The following NEB variants were observed in gnomAD, a reference collection of about 807,000 sequenced individuals.
NEB encodes the protein nemaline myopathy type 2.
A neutral mutation model predicts 952.2 loss-of-function variants in NEB; 512 were observed. The ratio of observed to expected loss-of-function variants is 0.54; its 90% CI spans 0.50 to 0.58. NEB has a LOEUF of 0.58. Ranked by LOEUF, NEB falls within the 20% of genes least tolerant of loss-of-function variation. NEB has a pLI of 0.00. For synonymous variants in NEB, 2,900 were observed against 3,149.8 expected (o/e 0.92, Z 2.66); for missense variants, 8,428 against 9,231.1 (o/e 0.91, Z 3.56).
chr2:151,555,675 C>A (rs555871433), intron 124 of NEB, among the ~76,000 whole-genome samples: 4 of 152,214 alleles, frequency 2.6e-5, no homozygotes, highest in African/African-American at 7.2e-5. Context: ...AATAACAGTT[C>A]TTCCAAAACT....
Position 151,688,401 on chromosome 2 carries a change from AAAAC to A in NEB, c.2311-9_2311-6del. 6.2e-7 allele frequency: 1 copy of A among 1,608,368 alleles called. No homozygotes were observed. Among genetic ancestry groups the A allele is most frequent in the Non-Finnish European group, 8.5e-7 (1 of 1,175,050 alleles). On this transcript the variant is annotated splice_polypyrimidine_tract_variant and splice_region_variant and intron_variant, in intron 24 of 181. Coordinates refer to ENST00000397345, the MANE Select transcript of NEB (RefSeq NM_001164508.2). ...ATGTTTTGCTTTGTAATTCAGCTGA[AAAAC>A]AAAGGATATTTGAACGGTTCAGGGG... is the stretch of plus-strand genomic sequence containing the variant.
rs2153447396 is a variant in NEB at position 151,525,166 on chromosome 2, A to G, written c.22269T>C (p.Ser7423=). Reference sequence around the variant, plus strand: ...AGTGTTGAGAGGGAAAACTTACATCACTTTGCTTCTTGGCCACTTCCATAG... The same window carrying G: ...AGTGTTGAGAGGGAAAACTTACATCGCTTTGCTTCTTGGCCACTTCCATAG... ...KHAMEVAKKQ[S]DVAYRKDAKE... Residue 7423 remains serine (S), a synonymous_variant, in exon 151 of 182, where the codon AGT becomes AGC. Coordinates refer to ENST00000397345, the MANE Select transcript of NEB (RefSeq NM_001164508.2). 6.8e-6 allele frequency: 11 copies of G among 1,611,722 alleles called. No homozygotes were observed. The highest frequency in any genetic ancestry group is 9.3e-6 in the Non-Finnish European group (11 of 1,177,900).
rs35654397 is a variant in NEB at position 151,672,396 on chromosome 2, C to G, written c.4272G>C (p.Thr1424=). ...YLPDAMSLEH[T]RNVNQIQSDN... is the part of the protein sequence containing the mutation. Reference sequence around the variant, plus strand: ...CACTCTGAATTTGATTGACATTCCTCGTATGCTCAAGACTCATGGCGTCAG... The same window carrying G: ...CACTCTGAATTTGATTGACATTCCTGGTATGCTCAAGACTCATGGCGTCAG... The change falls in exon 37 of 182, where the codon ACG becomes ACC. Residue 1424 remains threonine (T), a synonymous_variant. Transcript: ENST00000397345. 5,482 of 1,605,236 alleles carry G rather than the reference C, an allele frequency of 3.4e-3. 18 individuals carry two copies. The highest frequency in any genetic ancestry group is 4.1e-3 in the Non-Finnish European group (4,800 of 1,173,434).
intron 65 of NEB, among the ~76,000 whole-genome samples, chr2:151,633,221 C>T (rs1380884382): frequency 6.6e-6 from 1 of 152,168 alleles, no homozygotes; most frequent in African/African-American, 2.4e-5. Context: ...TGAAACAGTC[C>T]AGTAGTGTAC....
chr2:151,490,103 A>T (rs1443794383), intron 180 of NEB, 26 bp from the exon 181 acceptor site: 9 of 1,544,176 alleles, frequency 5.8e-6, no homozygotes, highest in Non-Finnish European at 8.0e-6. Context: ...CAAATTCTTT[A>T]TAAGAAGAAA....
chr2:151,545,998 A>C lies in NEB; in HGVS notation c.20467T>G (p.Ser6823Ala). The change falls in exon 135 of 182, where the codon TCT becomes GCT. Residue 6823 changes from serine (S) to alanine (A), a missense_variant and splice_region_variant. Coordinates refer to ENST00000397345, the MANE Select transcript of NEB (RefSeq NM_001164508.2). ...GCCTTATCAGTGTATAGGTAATTAG[A>C]CTTAAAAAAAAAAAAAAAAACAGAA... The part of the protein sequence containing the change: ...VRSRHLRKLW[S>A]NYLYTDKARK... 1 of 1,198,426 alleles carries C rather than the reference A, an allele frequency of 8.3e-7. No homozygotes were observed. The highest frequency in any genetic ancestry group is 1.2e-6 in the Non-Finnish European group (1 of 856,816). The allele number at this position is 1,198,426 out of a possible 1,614,324, so 74.2% of individuals were successfully genotyped here. A position where few individuals can be genotyped will look rare whatever the true frequency, so the allele number is the denominator to read the frequency against.
chr2:151,549,680 G>A lies in NEB; in HGVS notation c.20005C>T (p.Pro6669Ser). The A allele has an allele frequency of 1.9e-6, 3 of 1,601,722 alleles. No individual in the cohort carries two copies. The highest frequency in any genetic ancestry group is 2.6e-6 in the Non-Finnish European group (3 of 1,173,660). The change falls in exon 130 of 182, where the codon CCT becomes TCT. Residue 6669 changes from proline to serine, a missense_variant. This residue lies in a region of NEB where 3,374 missense variants were observed against 3,651.5 expected (regional missense o/e 0.92). Transcript: ENST00000397345. The part of the protein sequence containing the change: ...PTGYRLPGDT[P>S]HFKHIKDTRY... Reference sequence around the variant, plus strand: ...GTGTCCTTGATGTGTTTGAAGTGAGGAGTGTCACCTGGAAGTCTATATCCA... The same window carrying A: ...GTGTCCTTGATGTGTTTGAAGTGAGAAGTGTCACCTGGAAGTCTATATCCA...
chr2:151,561,419 TA>T (rs1443686389), intron 121 of NEB, 107 bp from the exon 122 acceptor site: 3 of 759,728 alleles, frequency 3.9e-6, no homozygotes, highest in Non-Finnish European at 6.7e-6. Flanking sequence ...ATTTCTGCTT[TA>T]ATCCTAACAA....
At chr2:151,616,398 T>A (rs1357906403) in intron 75 of NEB, among the ~76,000 whole-genome samples, 1 of 151,814 alleles carries the variant, frequency 6.6e-6, no homozygotes, top group Admixed American at 6.6e-5. Flanking sequence ...AAAAAAAAAA[T>A]TATTTACTGG....
chr2:151,670,306 T>C (rs2099269445), intron 38 of NEB, among the ~76,000 whole-genome samples: 1 of 152,180 alleles, frequency 6.6e-6, no homozygotes. Flanking sequence ...AAAAAGTCTT[T>C]CTTTGCTTTT....
intron 168 of NEB, among the ~76,000 whole-genome samples, chr2:151,500,628 C>T (rs1292565491): frequency 7.5e-6 from 1 of 132,666 alleles, no homozygotes; most frequent in Non-Finnish European, 1.6e-5. Flanking sequence ...CAGGGTCTCA[C>T]TCCTGTTGCC....
intron 28 of NEB, among the ~76,000 whole-genome samples, chr2:151,683,470 G>A (rs181547295): frequency 4.6e-5 from 7 of 152,242 alleles, no homozygotes; most frequent in Admixed American, 3.9e-4. Flanking sequence ...TTTTTACTCT[G>A]GGCATTTTAA....
chr2:151,503,494 A>G, intron 165 of NEB, 53 bp from the exon 166 acceptor site: 1 of 1,241,524 alleles, frequency 8.1e-7, no homozygotes, highest in South Asian at 1.2e-5. Flanking sequence ...TAAATCCTTT[A>G]GATAGCAGCC....
chr2:151,619,319 C>T lies in NEB; in HGVS notation c.10872+132G>A, dbSNP rs144004313. 1,520 of 1,038,606 alleles carry T rather than the reference C, an allele frequency of 1.5e-3. 17 individuals carry two copies. The African/African-American group carries it at 0.022, about 15-fold the overall frequency. The allele number at this position is 1,038,606 out of a possible 1,614,324, so 64.3% of individuals were successfully genotyped here. A position where few individuals can be genotyped will look rare whatever the true frequency, so the allele number is the denominator to read the frequency against. On this transcript the variant is annotated intron_variant, in intron 73 of 181. Coordinates refer to ENST00000397345, the MANE Select transcript of NEB (RefSeq NM_001164508.2). Reference sequence around the variant, plus strand: ...AAATTGTAGTACCTCCAATGGGAAACTCCTTTCAGACATTTAATTGTAAAT... The same window carrying T: ...AAATTGTAGTACCTCCAATGGGAAATTCCTTTCAGACATTTAATTGTAAAT...
Position 151,733,242 on chromosome 2 carries a change from T to A in NEB, c.-29-57A>T. On this transcript the variant is annotated intron_variant, in intron 2 of 181. Transcript: ENST00000397345. ...TAGAGTCTATTCCCAGCACAGAAAT[T>A]ATCTTATGACATTATAAAAATAGAA... 5 of 1,185,604 alleles carry A rather than the reference T, an allele frequency of 4.2e-6. No homozygotes were observed. The South Asian group carries it at 7.0e-5, about 17-fold the overall frequency. The allele number at this position is 1,185,604 out of a possible 1,614,324, so 73.4% of individuals were successfully genotyped here.
intron 12 of NEB, among the ~76,000 whole-genome samples, chr2:151,707,399 A>G (rs1257647633): frequency 6.6e-6 from 1 of 152,152 alleles, no homozygotes; most frequent in Non-Finnish European, 1.5e-5. Flanking sequence ...CTCAACCCCC[A>G]GCTACCTACC....
At chr2:151,655,737 T>G in intron 50 of NEB, 80 bp downstream of exon 50, 1 of 1,448,984 alleles carries the variant, frequency 6.9e-7, no homozygotes, top group South Asian at 1.2e-5. Flanking sequence ...GGACCTTAAT[T>G]AGATTTCTCC....
At chr2:151,637,107 C>T (rs1431656324) in intron 63 of NEB, among the ~76,000 whole-genome samples, 1 of 152,156 alleles carries the variant, frequency 6.6e-6, no homozygotes, top group Non-Finnish European at 1.5e-5. Flanking sequence ...AGACCCCTCT[C>T]AACCTAAAGG....
intron 158 of NEB, among the ~76,000 whole-genome samples, 179 bp downstream of exon 158, chr2:151,514,639 A>C (rs534606943): frequency 6.6e-6 from 1 of 152,354 alleles, no homozygotes; most frequent in Non-Finnish European, 1.5e-5. Flanking sequence ...TAATATTCAA[A>C]TAAAAAATTA....
Sources: gnomAD v4.1 joint callset for allele counts (sites outside exome capture counted in the v4.1 genomes callset) on GRCh38, gnomAD v4.1.1 for gene constraint, gnomAD v4.1.1 regional missense constraint, MANE v1.5 for transcripts, NCBI Gene and HGNC (gene_info 2026-07-23, HGNC 2026-07-21) for gene names.